Variants in NPAS3 observed in about 807,000 individuals in gnomAD.
NPAS3 encodes the protein neuronal PAS domain-containing protein 3.
Under a neutral mutation model 73.1 loss-of-function variants are expected in NPAS3, and 14 were observed. The observed-to-expected ratio is 0.19, with a 90% confidence interval of 0.13 to 0.30. The LOEUF (loss-of-function observed/expected upper bound fraction) is 0.30, where lower values mean the gene tolerates loss of function less well. Ranked by LOEUF, NPAS3 falls within the 10% of genes least tolerant of loss-of-function variation. NPAS3 has a pLI of 1.00. For synonymous variants in NPAS3, 620 were observed against 541.5 expected (o/e 1.14, Z -2.01); for missense variants, 1,096 against 1,250.0 (o/e 0.88, Z 1.86).
intron 2 of NPAS3, among the ~76,000 whole-genome samples, chr14:33,196,174 C>G (rs771958278): frequency 1.3e-5 from 2 of 152,122 alleles, no homozygotes; most frequent in Non-Finnish European, 2.9e-5. Context: ...CATATTTTTC[C>G]TTACATTGAA....
At position 32,986,304 on chromosome 14, in the gene NPAS3, G is replaced by A. The variant is rs947895915; in HGVS notation, c.50+46938G>A. ...CTCATGTCATTCATTATGATTCAGCGTATTTTAATGAGGAGAAAGGGAAGT... is the reference window on the plus strand; with the variant it reads ...CTCATGTCATTCATTATGATTCAGCATATTTTAATGAGGAGAAAGGGAAGT... On this transcript the variant is annotated intron_variant, in intron 1 of 11. Transcript: ENST00000356141. Among the ~76,000 whole-genome samples the A allele has an allele frequency of 7.2e-5, 11 of 152,270 alleles. No homozygotes were observed. The East Asian group carries it at 7.7e-4, about 11-fold the overall frequency.
At chr14:33,369,998 T>C (rs1234413454) in intron 4 of NPAS3, among the ~76,000 whole-genome samples, 2 of 152,330 alleles carry the variant, frequency 1.3e-5, no homozygotes, top group African/African-American at 2.4e-5. Flanking sequence ...TCCTCCTTCC[T>C]ACTCTTTCTT....
intron 4 of NPAS3, among the ~76,000 whole-genome samples, chr14:33,461,352 T>A (rs1033910622): frequency 1.2e-4 from 19 of 152,336 alleles, no homozygotes; most frequent in African/African-American, 4.1e-4. Context: ...CAAAATCATT[T>A]CTGTAACTGT....
chr14:33,162,861 G>A (rs1008064264), intron 2 of NPAS3, among the ~76,000 whole-genome samples: 2 of 152,166 alleles, frequency 1.3e-5, no homozygotes, highest in Non-Finnish European at 2.9e-5. Context: ...TGTTGGTTCT[G>A]TCTTCATAAA....
In NPAS3 at chr14:33,378,691, G is replaced by A. The variant is rs569407937; in HGVS notation, c.468+11423G>A. Among the ~76,000 whole-genome samples, 4 of 152,202 alleles carry A rather than the reference G, an allele frequency of 2.6e-5. No individual in the cohort carries two copies. The East Asian group carries it at 5.8e-4, about 22-fold the overall frequency. ...TGGTGTTTATGTGGAAGTCCCCTGAGGGTCTTCACTTCTCAATGACTCACG... is the reference window on the plus strand; with the variant it reads ...TGGTGTTTATGTGGAAGTCCCCTGAAGGTCTTCACTTCTCAATGACTCACG... On this transcript the variant is annotated intron_variant, in intron 4 of 11. Coordinates refer to ENST00000356141, the Ensembl canonical transcript of NPAS3.
chr14:33,532,243 T>A (rs1338844945), intron 4 of NPAS3, among the ~76,000 whole-genome samples: 1 of 152,178 alleles, frequency 6.6e-6, no homozygotes, highest in East Asian at 1.9e-4. Flanking sequence ...GATCTTTCCG[T>A]CCTTTTTAAA....
At chr14:33,390,824 A>G (rs1043805116) in intron 4 of NPAS3, among the ~76,000 whole-genome samples, 1 of 152,080 alleles carries the variant, frequency 6.6e-6, no homozygotes, top group African/African-American at 2.4e-5. Flanking sequence ...ATACTTGTGT[A>G]TTTTTTATTT....
chr14:33,643,050 A>G (rs2058718051), intron 5 of NPAS3, among the ~76,000 whole-genome samples: 1 of 152,126 alleles, frequency 6.6e-6, no homozygotes, highest in South Asian at 2.1e-4. Context: ...ATCTCATCAT[A>G]TATAGATCAA....
intron 2 of NPAS3, among the ~76,000 whole-genome samples, chr14:33,112,140 G>A (rs1307396752): frequency 6.6e-6 from 1 of 152,166 alleles, no homozygotes; most frequent in African/African-American, 2.4e-5. Flanking sequence ...ACGTGTGCAT[G>A]TGTCTTTATA....
At chr14:33,273,322 T>G (rs2041183105) in intron 3 of NPAS3, among the ~76,000 whole-genome samples, 1 of 152,214 alleles carries the variant, frequency 6.6e-6, no homozygotes, top group African/African-American at 2.4e-5. Flanking sequence ...TCTCTCAACC[T>G]TTCTCTGTAG....
At chr14:33,203,913 G>T (rs377083437) in intron 2 of NPAS3, among the ~76,000 whole-genome samples, 1 of 152,106 alleles carries the variant, frequency 6.6e-6, no homozygotes, top group Non-Finnish European at 1.5e-5. Context: ...CTTCCACAAC[G>T]GTTGAACTAG....
intron 3 of NPAS3, among the ~76,000 whole-genome samples, chr14:33,331,887 T>C (rs2044001589): frequency 6.6e-6 from 1 of 152,212 alleles, no homozygotes; most frequent in South Asian, 2.1e-4. Flanking sequence ...ATATGTGTGC[T>C]CTTGGAAGTG....
chr14:33,782,220 G>C (rs929707985), intron 9 of NPAS3, among the ~76,000 whole-genome samples: 1 of 152,112 alleles, frequency 6.6e-6, no homozygotes, highest in African/African-American at 2.4e-5. Flanking sequence ...AATTATTGGG[G>C]CATCTTCACC....
chr14:33,005,814 A>G (rs772452491), intron 1 of NPAS3, among the ~76,000 whole-genome samples: 5 of 152,124 alleles, frequency 3.3e-5, no homozygotes, highest in Non-Finnish European at 7.4e-5. Context: ...TGAGTCTTCA[A>G]TCTCACTTTA....
intron 3 of NPAS3, among the ~76,000 whole-genome samples, chr14:33,310,352 A>C (rs1044199307): frequency 6.6e-6 from 1 of 152,108 alleles, no homozygotes; most frequent in African/African-American, 2.4e-5. Flanking sequence ...CTTGGTGCCA[A>C]TTTTCTCTGC....
chr14:33,519,393 A>T (rs774568932), intron 4 of NPAS3, among the ~76,000 whole-genome samples: 1 of 151,852 alleles, frequency 6.6e-6, no homozygotes, highest in East Asian at 1.9e-4. Flanking sequence ...CTCTCATTAC[A>T]CTCAAACATT....
intron 5 of NPAS3, among the ~76,000 whole-genome samples, chr14:33,585,558 C>T (rs2056832304): frequency 6.6e-6 from 1 of 152,176 alleles, no homozygotes; most frequent in Admixed American, 6.5e-5. Context: ...TCATCTTTTA[C>T]AAATTTTCTG....
rs918863245 is a variant in NPAS3, at chr14:33,800,531, G to A, written c.2224G>A (p.Val742Ile). The A allele has an allele frequency of 2.8e-5, 39 of 1,379,034 alleles. No individual in the cohort carries two copies. The highest frequency in any genetic ancestry group is 3.4e-5 in the Non-Finnish European group (36 of 1,073,928). 85.4% of individuals were successfully genotyped at this position (1,379,034 alleles called of 1,614,324 possible). ...CTCGGCCACCGCGGCCCTGGCCCCCGTCGCCTCCGACCCGCTGTCACCCCC... is the reference window on the plus strand; with the variant it reads ...CTCGGCCACCGCGGCCCTGGCCCCCATCGCCTCCGACCCGCTGTCACCCCC... Residue 742 changes from valine (V) to isoleucine (I), a missense_variant, in exon 12 of 12, where the codon GTC (valine) becomes ATC (isoleucine). Physicochemically the swap from Val to Ile is conservative, Grantham distance 29 (BLOSUM62 3). This residue lies in a region of NPAS3 where 698 missense variants were observed against 676.7 expected (regional missense o/e 1.03). Coordinates refer to ENST00000356141, the Ensembl canonical transcript of NPAS3. The surrounding 1 kb of genome is among the most constrained non-coding windows in gnomAD (Gnocchi z 6.5).
rs542001237 is a variant in NPAS3, at chr14:33,563,853, C to T, written c.558+3643C>T. Among the ~76,000 whole-genome samples, 33 of 152,248 alleles carry T rather than the reference C, an allele frequency of 2.2e-4. No individual in the cohort carries two copies. The East Asian group carries it at 6.2e-3, about 29-fold the overall frequency. On this transcript the variant is annotated intron_variant, in intron 5 of 11. Coordinates refer to ENST00000356141, the Ensembl canonical transcript of NPAS3. ...GAATTAAGAAAACAGAATGGGTTCC[C>T]TAACACTGAAAATGTAGCAATGATA...
Sources: allele counts gnomAD v4.1 joint callset (sites outside exome capture counted in the v4.1 genomes callset), GRCh38; gene constraint gnomAD v4.1.1; regional missense constraint gnomAD v4.1.1; non-coding constraint Gnocchi (gnomAD v3.1); transcripts MANE v1.5; gene names NCBI Gene and HGNC (gene_info 2026-07-23, HGNC 2026-07-21).